TSPAN14: variants seen among roughly 807,000 people sequenced by gnomAD.
TSPAN14 encodes the protein tetraspanin 14.
A neutral mutation model predicts 36.6 loss-of-function variants in TSPAN14; 16 were observed. The ratio of observed to expected loss-of-function variants is 0.44; its 90% CI spans 0.30 to 0.66. TSPAN14 has a LOEUF of 0.66. Among genes scored for constraint, TSPAN14 ranks in the 30% least tolerant of loss-of-function variants. TSPAN14 has a pLI of 0.12. For synonymous variants in TSPAN14, 139 were observed against 143.8 expected (o/e 0.97, Z 0.24); for missense variants, 231 against 355.1 (o/e 0.65, Z 2.81).
intron 1 of TSPAN14, among the ~76,000 whole-genome samples, chr10:80,475,997 G>C (rs562498595): frequency 6.6e-6 from 1 of 152,280 alleles, no homozygotes; most frequent in East Asian, 1.9e-4. Flanking sequence ...AATATAAAAT[G>C]GTGTAGTATT....
At chr10:80,472,932 G>A (rs1846638465) in intron 1 of TSPAN14, among the ~76,000 whole-genome samples, 1 of 152,120 alleles carries the variant, frequency 6.6e-6, no homozygotes, top group Admixed American at 6.5e-5. Flanking sequence ...ATATGATTCT[G>A]GAGGCAGCTC....
exon 9 of TSPAN14, chr10:80,518,330 C>T (rs1251455897): frequency 6.4e-6 from 2 of 310,348 alleles, no homozygotes; most frequent in Non-Finnish European, 1.2e-5. Context: ...ACCCTGGTCC[C>T]CTCTCCACTG....
At chr10:80,472,810 C>T (rs547651225) in intron 1 of TSPAN14, among the ~76,000 whole-genome samples, 6 of 152,204 alleles carry the variant, frequency 3.9e-5, no homozygotes, top group Admixed American at 6.5e-5. Context: ...TTTATTTTGC[C>T]GCTCAGATTG....
intron 1 of TSPAN14, among the ~76,000 whole-genome samples, chr10:80,461,215 G>A (rs1458215723): frequency 6.6e-6 from 1 of 152,146 alleles, no homozygotes; most frequent in African/African-American, 2.4e-5. Flanking sequence ...ACCCTGTTTG[G>A]CCTGCCTCCT....
At chr10:80,493,044 A>G (rs774924472) in intron 2 of TSPAN14, among the ~76,000 whole-genome samples, 1 of 152,210 alleles carries the variant, frequency 6.6e-6, no homozygotes, top group Non-Finnish European at 1.5e-5. Context: ...GGTTCTTATC[A>G]CAAGGATGTT....
exon 8 of TSPAN14, chr10:80,516,241 G>T: frequency 1.2e-6 from 2 of 1,614,234 alleles, no homozygotes; most frequent in Non-Finnish European, 1.7e-6. Flanking sequence ...TTCACGAAAG[G>T]CTGCATCCAG....
chr10:80,515,277 G>A (rs1026080782), intron 7 of TSPAN14, among the ~76,000 whole-genome samples: 1 of 152,172 alleles, frequency 6.6e-6, no homozygotes, highest in African/African-American at 2.4e-5. Context: ...GCGAGGTGAG[G>A]TGGGTGCCTT....
chr10:80,482,514 C>G (rs1401050991), intron 1 of TSPAN14, among the ~76,000 whole-genome samples: 2 of 150,792 alleles, frequency 1.3e-5, no homozygotes, highest in African/African-American at 5.0e-5. Flanking sequence ...TCTCAAACTC[C>G]TGACCTCAAG....
At chr10:80,455,465 C>G (rs1005252949) in intron 1 of TSPAN14, among the ~76,000 whole-genome samples, 3 of 152,036 alleles carry the variant, frequency 2.0e-5, no homozygotes, top group African/African-American at 7.2e-5. Context: ...TCCTCCCTTC[C>G]GAGAGGGAGT....
Position 80,509,565 on chromosome 10 carries a change from G to A in TSPAN14, c.450+94G>A. ...CAGGGGCATCAGGCCTTCTCTGTGG[G>A]TTGTCTGCCTGCAGCTTGGCAGACA... On this transcript the variant is annotated intron_variant, in intron 5 of 8. Coordinates refer to ENST00000429989, the Ensembl canonical transcript of TSPAN14. The surrounding 1 kb of genome is among the most constrained non-coding windows in gnomAD (Gnocchi z 4.7). 7.3e-7 allele frequency: 1 copy of A among 1,369,658 alleles called. No homozygotes were observed. The highest frequency in any genetic ancestry group is 1.0e-6 in the Non-Finnish European group (1 of 999,768). The allele number at this position is 1,369,658 out of a possible 1,614,324, so 84.8% of individuals were successfully genotyped here. A position where few individuals can be genotyped will look rare whatever the true frequency, so the allele number is the denominator to read the frequency against.
At chr10:80,510,921 C>G (rs759739987) in intron 5 of TSPAN14, among the ~76,000 whole-genome samples, 2 of 152,062 alleles carry the variant, frequency 1.3e-5, no homozygotes, top group Non-Finnish European at 2.9e-5. Context: ...AACAAAACTT[C>G]CCAGGGGAGG....
intron 1 of TSPAN14, among the ~76,000 whole-genome samples, chr10:80,483,543 A>G (rs1485624843): frequency 2.6e-5 from 4 of 152,122 alleles, no homozygotes; most frequent in Non-Finnish European, 5.9e-5. Flanking sequence ...AATGGTAGTA[A>G]CCGTTTCATC....
intron 2 of TSPAN14, among the ~76,000 whole-genome samples, chr10:80,498,506 C>T (rs1848319188): frequency 6.6e-6 from 1 of 152,196 alleles, no homozygotes; most frequent in African/African-American, 2.4e-5. Flanking sequence ...TTTCCCTAAG[C>T]TCTGCTTCAC....
At position 80,470,385 on chromosome 10, in the gene TSPAN14, G is replaced by T. The variant is rs149936299; in HGVS notation, c.-18+16014G>T. On this transcript the variant is annotated intron_variant, in intron 1 of 8. Coordinates refer to ENST00000429989, the Ensembl canonical transcript of TSPAN14. Reference sequence around the variant, plus strand: ...TGAACCGCTGCGCCCAGCCTTTCCTGAATACTTTTGATCCTGGTTGCTTGA... The same window carrying T: ...TGAACCGCTGCGCCCAGCCTTTCCTTAATACTTTTGATCCTGGTTGCTTGA... Among the ~76,000 whole-genome samples, 358 of 152,302 alleles carry T rather than the reference G, an allele frequency of 2.4e-3. 3 individuals carry two copies. The highest frequency in any genetic ancestry group is 2.9e-3 in the Non-Finnish European group (200 of 68,020).
chr10:80,494,590 C>G (rs1415996730), intron 2 of TSPAN14, among the ~76,000 whole-genome samples: 1 of 152,180 alleles, frequency 6.6e-6, no homozygotes, highest in East Asian at 1.9e-4. Flanking sequence ...TTATAGAGGA[C>G]TTGCCACCTC....
intron 1 of TSPAN14, among the ~76,000 whole-genome samples, chr10:80,477,244 G>A (rs1248432514): frequency 6.6e-6 from 1 of 152,216 alleles, no homozygotes; most frequent in African/African-American, 2.4e-5. Flanking sequence ...CAGTTGATTA[G>A]TAACCTTAAT....
In TSPAN14 at chr10:80,514,486, G is replaced by T. The variant is rs145395723; in HGVS notation, c.621+423G>T. Among the ~76,000 whole-genome samples the T allele has an allele frequency of 2.8e-3, 433 of 152,278 alleles. 3 individuals are homozygous for T. The highest frequency in any genetic ancestry group is 0.017 in the Middle Eastern group (5 of 294). On this transcript the variant is annotated intron_variant, in intron 7 of 8. Coordinates refer to ENST00000429989, the Ensembl canonical transcript of TSPAN14. ...AAAGAGGGAGGCAGGCCTGGGGCAG[G>T]GGCGAGGCTCTGTCCTCCAGGACTT...
chr10:80,498,756 C>G (rs1848337538), intron 2 of TSPAN14, among the ~76,000 whole-genome samples: 1 of 152,206 alleles, frequency 6.6e-6, no homozygotes, highest in African/African-American at 2.4e-5. Flanking sequence ...CTGGAGTAAG[C>G]ATGTCACGTA....
intron 2 of TSPAN14, among the ~76,000 whole-genome samples, chr10:80,495,211 T>C (rs1358624037): frequency 6.6e-6 from 1 of 152,192 alleles, no homozygotes; most frequent in East Asian, 1.9e-4. Context: ...CTGAGATAGA[T>C]TCCCAGGAGA....
Sources: gnomAD v4.1 joint callset for allele counts (sites outside exome capture counted in the v4.1 genomes callset) on GRCh38, gnomAD v4.1.1 for gene constraint, Gnocchi (gnomAD v3.1) non-coding constraint, MANE v1.5 for transcripts, NCBI Gene and HGNC (gene_info 2026-07-23, HGNC 2026-07-21) for gene names.